Variants in GSTA3 observed in about 807,000 individuals in gnomAD.
GSTA3 encodes the protein glutathione S-transferase A3.
In GSTA3, 16 loss-of-function variants were observed where a neutral mutation model predicts 23.1. The observed-to-expected ratio is 0.69, with a 90% CI of 0.47 to 1.05. The LOEUF is 1.05. GSTA3 is among the 50% of genes least tolerant of loss of function. The pLI is 0.00. For synonymous variants in GSTA3, 122 were observed against 91.0 expected (o/e 1.34, Z -1.94); for missense variants, 319 against 263.6 (o/e 1.21, Z -1.46).
chr6:52,906,173 A>G (rs1275561480), intron 1 of GSTA3, among the ~76,000 whole-genome samples: 2 of 152,192 alleles, frequency 1.3e-5, no homozygotes, highest in South Asian at 2.1e-4. Flanking sequence ...TATAAAAACT[A>G]TATGTTCTAT....
intron 6 of GSTA3, 128 bp from the exon 7 acceptor site, chr6:52,897,056 C>T: frequency 8.0e-7 from 1 of 1,252,350 alleles, no homozygotes; most frequent in Non-Finnish European, 1.1e-6. Flanking sequence ...AGCATGGAGG[C>T]AGAAACAGAC....
intron 1 of GSTA3, 122 bp from the exon 2 acceptor site, chr6:52,905,977 C>T: frequency 2.0e-6 from 1 of 502,258 alleles, no homozygotes; most frequent in Non-Finnish European, 3.5e-6. Flanking sequence ...AGGATTGTTT[C>T]CACCTCTGAA....
intron 1 of GSTA3, among the ~76,000 whole-genome samples, chr6:52,907,482 G>A (rs954693724): frequency 7.6e-5 from 11 of 145,314 alleles, no homozygotes; most frequent in East Asian, 2.0e-4. Context: ...GGTATATACC[G>A]AAAGGACTAT....
In GSTA3 at chr6:52,903,744, T is replaced by G. The variant is rs781664790; in HGVS notation, c.88-17A>C. 8 of 1,530,830 alleles carry G rather than the reference T, an allele frequency of 5.2e-6. No individual in the cohort carries two copies. The highest frequency in any genetic ancestry group is 7.2e-6 in the Non-Finnish European group (8 of 1,105,156). 94.8% of individuals were successfully genotyped at this position (1,530,830 alleles called of 1,614,324 possible). Reference sequence around the variant, plus strand: ...CTCTTCAAACTGGAAGCAGAAACAGTAAATGGGTTCTTGTTAGTTCGTTCC... The same window carrying G: ...CTCTTCAAACTGGAAGCAGAAACAGGAAATGGGTTCTTGTTAGTTCGTTCC... On this transcript the variant is annotated splice_polypyrimidine_tract_variant and intron_variant, in intron 2 of 6. Coordinates refer to ENST00000211122, the MANE Select transcript of GSTA3 (RefSeq NM_000847.5).
intron 1 of GSTA3, among the ~76,000 whole-genome samples, chr6:52,906,793 A>G (rs2127364207): frequency 6.6e-6 from 1 of 150,850 alleles, no homozygotes; most frequent in Middle Eastern, 3.4e-3. Flanking sequence ...CCTTCCTTAC[A>G]CCTTATACAA....
intron 2 of GSTA3, among the ~76,000 whole-genome samples, chr6:52,905,446 A>G (rs770857167): frequency 3.3e-5 from 5 of 151,084 alleles, no homozygotes; most frequent in Admixed American, 1.3e-4. Context: ...TTTATGTGTC[A>G]TAAGTTATAT....
chr6:52,905,267 T>A (rs1765853036), intron 2 of GSTA3, among the ~76,000 whole-genome samples: 1 of 152,182 alleles, frequency 6.6e-6, no homozygotes, highest in Admixed American at 6.5e-5. Flanking sequence ...TCCTCTGTCA[T>A]AATATGAAAC....
intron 4 of GSTA3, 52 bp downstream of exon 4, chr6:52,902,294 C>T: frequency 1.2e-6 from 2 of 1,607,870 alleles, no homozygotes; most frequent in Non-Finnish European, 1.7e-6. Context: ...CAAGGAAGGA[C>T]CTAAATCACT....
chr6:52,904,555 C>T (rs1765825883), intron 2 of GSTA3, among the ~76,000 whole-genome samples: 1 of 152,138 alleles, frequency 6.6e-6, no homozygotes, highest in Admixed American at 6.5e-5. Flanking sequence ...GTCCACACAG[C>T]GCTGTGAGGC....
intron 4 of GSTA3, among the ~76,000 whole-genome samples, chr6:52,900,990 AC>A (rs1765663788): frequency 1.3e-5 from 2 of 152,108 alleles, no homozygotes; most frequent in African/African-American, 4.8e-5. Context: ...CTTACTTGAG[AC>A]CCCACCTAAA....
chr6:52,896,918 G>A lies in GSTA3; in HGVS notation c.557C>T (p.Thr186Ile). 1 of 1,613,942 alleles carries A rather than the reference G, an allele frequency of 6.2e-7. No homozygotes were observed. The highest frequency in any genetic ancestry group is 8.5e-7 in the Non-Finnish European group (1 of 1,179,878). Residue 186 changes from threonine (T) to isoleucine (I), a missense_variant, in exon 7 of 7, where the codon ACC (threonine) becomes ATC (isoleucine). Physicochemically the swap from Thr to Ile is moderately conservative, Grantham distance 89 (BLOSUM62 -1). Transcript: ENST00000211122. ...CACCGTGGGCAGGTTGCTGATTCTGGTTTTCAGGGCCTGTAATTCACAAAG... is the reference window on the plus strand; with the variant it reads ...CACCGTGGGCAGGTTGCTGATTCTGATTTTCAGGGCCTGTAATTCACAAAG... ...SNFPLLKALKTRISNLPTVKK... is the reference protein window; with the variant it reads ...SNFPLLKALKIRISNLPTVKK...
chr6:52,903,864 G>T (rs980973373), intron 2 of GSTA3, 137 bp from the exon 3 acceptor site: 8 of 617,934 alleles, frequency 1.3e-5, no homozygotes, highest in African/African-American at 5.6e-5. Context: ...CACAGAAGAA[G>T]CTGGTCATGG....
chr6:52,903,898 C>G (rs576349335), intron 2 of GSTA3, among the ~76,000 whole-genome samples, 171 bp from the exon 3 acceptor site: 47 of 152,246 alleles, frequency 3.1e-4, no homozygotes, highest in African/African-American at 1.1e-3. Context: ...TAGATTTTAT[C>G]CCTCAAGAAA....
intron 2 of GSTA3, among the ~76,000 whole-genome samples, chr6:52,904,408 G>T (rs1765819771): frequency 6.6e-6 from 1 of 152,124 alleles, no homozygotes; most frequent in Non-Finnish European, 1.5e-5. Flanking sequence ...AATGAAACAG[G>T]GTATTCATTT....
Position 52,897,996 on chromosome 6 carries a change from C to T in GSTA3, c.415-40G>A, listed in dbSNP as rs562877626. On this transcript the variant is annotated intron_variant, in intron 5 of 6. Transcript: ENST00000211122. ...GAATCAGATCAGGAATACATGCGCA[C>T]CCAGGATGGGACCCCTGCTTCTCCC... 2.5e-6 allele frequency: 4 copies of T among 1,611,876 alleles called. No individual in the cohort carries two copies. The South Asian group carries it at 3.3e-5, about 13-fold the overall frequency.
intron 1 of GSTA3, among the ~76,000 whole-genome samples, chr6:52,909,196 G>A (rs1228619614): frequency 2.0e-5 from 3 of 152,138 alleles, no homozygotes; most frequent in East Asian, 3.8e-4. Flanking sequence ...CCATCCAGAT[G>A]TATTTTCTTT....
intron 6 of GSTA3, 115 bp downstream of exon 6, chr6:52,897,710 T>G: frequency 8.9e-7 from 1 of 1,129,806 alleles, no homozygotes. Flanking sequence ...GACCTGGGGG[T>G]ACTGAAGGCC....
At chr6:52,897,717 G>A in intron 6 of GSTA3, 108 bp downstream of exon 6, 1 of 1,240,844 alleles carries the variant, frequency 8.1e-7, no homozygotes, top group Non-Finnish European at 1.2e-6. Flanking sequence ...GGGTACTGAA[G>A]GCCTGAAAAA....
At chr6:52,897,488 T>C (rs1333090252) in intron 6 of GSTA3, among the ~76,000 whole-genome samples, 1 of 151,992 alleles carries the variant, frequency 6.6e-6, no homozygotes, top group Non-Finnish European at 1.5e-5. Flanking sequence ...CAATTCAGTG[T>C]GGGAACACAA....
Sources: allele counts gnomAD v4.1 joint callset (sites outside exome capture counted in the v4.1 genomes callset), GRCh38; gene constraint gnomAD v4.1.1; transcripts MANE v1.5; gene names NCBI Gene and HGNC (gene_info 2026-07-23, HGNC 2026-07-21).